PTPRT: variants seen among roughly 807,000 people sequenced by gnomAD.
PTPRT encodes the protein protein tyrosine phosphatase receptor type T.
A neutral mutation model predicts 176.8 loss-of-function variants in PTPRT; 56 were observed. The ratio of observed to expected loss-of-function variants is 0.32; its 90% CI spans 0.26 to 0.40. The LOEUF (loss-of-function observed/expected upper bound fraction) is 0.40, where lower values mean the gene tolerates loss of function less well. Ranked by LOEUF, PTPRT falls within the 10% of genes least tolerant of loss-of-function variation. The pLI, the probability that PTPRT is intolerant of heterozygous loss-of-function variation, is 1.00. For missense variants in PTPRT, 1,540 were observed against 1,908.2 expected, an observed-to-expected ratio of 0.81 and a Z score of 3.60; for synonymous variants, 783 against 739.0, an observed-to-expected ratio of 1.06 and a Z score of -0.96.
chr20:42,135,946 A>G (rs1354144119), intron 18 of PTPRT, among the ~76,000 whole-genome samples: 2 of 152,042 alleles, frequency 1.3e-5, no homozygotes, highest in Non-Finnish European at 2.9e-5. Context: ...ACTTTCCTCT[A>G]AGTTCTCAGT....
intron 7 of PTPRT, among the ~76,000 whole-genome samples, chr20:42,641,524 G>T (rs1321257718): frequency 6.6e-6 from 1 of 152,128 alleles, no homozygotes; most frequent in East Asian, 1.9e-4. Flanking sequence ...TCAGGCATCA[G>T]CTTTTCTGTA....
At chr20:43,164,782 G>A (rs537966049) in intron 1 of PTPRT, among the ~76,000 whole-genome samples, 46 of 152,298 alleles carry the variant, frequency 3.0e-4, no homozygotes, top group African/African-American at 1.0e-3. Flanking sequence ...TATGAATGTT[G>A]AAATTTGAAT....
chr20:43,100,971 G>T (rs1328676055), intron 1 of PTPRT, among the ~76,000 whole-genome samples: 1 of 152,130 alleles, frequency 6.6e-6, no homozygotes, highest in Non-Finnish European at 1.5e-5. Flanking sequence ...CAAAGCAAAA[G>T]TTTCCACCAA....
At chr20:42,820,542 A>G (rs867356223) in intron 2 of PTPRT, among the ~76,000 whole-genome samples, 24 of 152,302 alleles carry the variant, frequency 1.6e-4, no homozygotes, top group African/African-American at 5.8e-4. Context: ...TCCAAAAGCT[A>G]GCAGAAGACA....
At chr20:43,078,166 CCAAT>C (rs1174858647) in intron 1 of PTPRT, among the ~76,000 whole-genome samples, 1 of 152,164 alleles carries the variant, frequency 6.6e-6, no homozygotes, top group Non-Finnish European at 1.5e-5. Context: ...GAGTAAATGA[CCAAT>C]CAGTCCTTGA....
intron 1 of PTPRT, among the ~76,000 whole-genome samples, chr20:42,975,414 A>C (rs1982891240): frequency 1.3e-5 from 2 of 152,240 alleles, no homozygotes; most frequent in Admixed American, 1.3e-4. Context: ...GGTAGTCAAA[A>C]AAATGTATGG....
intron 5 of PTPRT, among the ~76,000 whole-genome samples, chr20:42,770,735 G>A (rs544360999): frequency 9.2e-5 from 14 of 152,240 alleles, no homozygotes; most frequent in African/African-American, 2.9e-4. Flanking sequence ...TGACAACCAC[G>A]TACCAAGAAC....
intron 1 of PTPRT, among the ~76,000 whole-genome samples, chr20:43,032,723 C>T (rs995200116): frequency 2.0e-5 from 3 of 152,012 alleles, no homozygotes; most frequent in African/African-American, 7.3e-5. Flanking sequence ...TACTGCATAT[C>T]CTCCCCTTCC....
intron 2 of PTPRT, among the ~76,000 whole-genome samples, chr20:42,812,790 G>A (rs539902142): frequency 2.0e-5 from 3 of 152,110 alleles, no homozygotes; most frequent in African/African-American, 7.2e-5. Flanking sequence ...AAATTGTTGT[G>A]AAAAATTAAT....
At position 42,080,905 on chromosome 20, in the gene PTPRT, C is replaced by A; in HGVS notation, c.4300G>T (p.Ala1434Ser). Reference sequence around the variant, plus strand: ...TAAAAGGAGCTTAAATATTCCAGTGCCACCTCGTATACAAATTTATACTGT... The same window carrying A: ...TAAAAGGAGCTTAAATATTCCAGTGACACCTCGTATACAAATTTATACTGT... ...LEQYKFVYEV[A>S]LEYLSSF The change falls in exon 31 of 31, where the codon GCA (alanine) becomes TCA (serine). Residue 1434 changes from alanine to serine, a missense_variant. Coordinates refer to ENST00000373187, the MANE Select transcript of PTPRT (RefSeq NM_007050.6). 6.2e-7 allele frequency: 1 copy of A among 1,610,398 alleles called. No individual in the cohort carries two copies. Among genetic ancestry groups the A allele is most frequent in the Non-Finnish European group, 8.5e-7 (1 of 1,177,258 alleles).
chr20:42,627,137 G>GCCTCCTGGATGCAGGCAAGGCT (rs1569030071), intron 7 of PTPRT, among the ~76,000 whole-genome samples: 8 of 151,838 alleles, frequency 5.3e-5, no homozygotes, highest in African/African-American at 1.9e-4. Flanking sequence ...CAGATTTTTG[G>GCCTCCTGGATGCAGGCAAGGCT]TACGATTTTA....
intron 7 of PTPRT, among the ~76,000 whole-genome samples, chr20:42,588,213 G>A (rs891416341): frequency 4.6e-5 from 7 of 152,272 alleles, no homozygotes; most frequent in East Asian, 1.9e-4. Context: ...GGAGGCTAAG[G>A]TGGGTGGATC....
intron 2 of PTPRT, among the ~76,000 whole-genome samples, chr20:42,824,449 G>A (rs1427926584): frequency 2.6e-5 from 4 of 151,848 alleles, no homozygotes; most frequent in Non-Finnish European, 5.9e-5. Context: ...GAAGAAGAAA[G>A]AACATCAATA....
At chr20:43,008,770 A>C (rs1359022143) in intron 1 of PTPRT, among the ~76,000 whole-genome samples, 1 of 152,156 alleles carries the variant, frequency 6.6e-6, no homozygotes, top group Non-Finnish European at 1.5e-5. Context: ...TTGTTACAGC[A>C]ACCCAAACTC....
intron 9 of PTPRT, among the ~76,000 whole-genome samples, chr20:42,388,244 G>A (rs1481820698): frequency 6.6e-6 from 1 of 152,190 alleles, no homozygotes; most frequent in African/African-American, 2.4e-5. Flanking sequence ...AACACCAAAA[G>A]CAATGACAAC....
At chr20:43,027,793 C>T (rs942345525) in intron 1 of PTPRT, among the ~76,000 whole-genome samples, 2 of 152,124 alleles carry the variant, frequency 1.3e-5, no homozygotes, top group Admixed American at 1.3e-4. Context: ...ACATGTGTAA[C>T]TCACTTCTAT....
At chr20:42,447,898 A>G (rs2070760182) in intron 9 of PTPRT, among the ~76,000 whole-genome samples, 1 of 152,176 alleles carries the variant, frequency 6.6e-6, no homozygotes, top group Admixed American at 6.5e-5. Flanking sequence ...ACGAACTTTC[A>G]GTACTGTTTG....
intron 1 of PTPRT, among the ~76,000 whole-genome samples, chr20:42,981,438 C>T (rs913429284): frequency 6.6e-6 from 1 of 152,232 alleles, no homozygotes; most frequent in Non-Finnish European, 1.5e-5. Flanking sequence ...GCCCTGGCCA[C>T]GTGAGTTGCT....
chr20:42,102,989 G>A (rs1473582746), intron 25 of PTPRT, among the ~76,000 whole-genome samples: 1 of 152,208 alleles, frequency 6.6e-6, no homozygotes, highest in Non-Finnish European at 1.5e-5. Flanking sequence ...GATCAATAAT[G>A]GCTATTTGTT....
Sources: gnomAD v4.1 joint callset for allele counts (sites outside exome capture counted in the v4.1 genomes callset) on GRCh38, gnomAD v4.1.1 for gene constraint, MANE v1.5 for transcripts, NCBI Gene and HGNC (gene_info 2026-07-23, HGNC 2026-07-21) for gene names.